RBM27: variants seen among roughly 807,000 people sequenced by gnomAD.
The protein encoded by RBM27 is RNA-binding protein 27.
A neutral mutation model predicts 135.3 loss-of-function variants in RBM27; 22 were observed. The observed-to-expected ratio is 0.16, with a 90% CI of 0.12 to 0.23. The LOEUF (loss-of-function observed/expected upper bound fraction) is 0.23, where lower values mean the gene tolerates loss of function less well. Ranked by LOEUF, RBM27 falls within the 10% of genes least tolerant of loss-of-function variation. RBM27 has a pLI of 1.00. For missense variants in RBM27, 1,009 were observed against 1,281.0 expected, an observed-to-expected ratio of 0.79 and a Z score of 3.24; for synonymous variants, 481 against 442.4, an observed-to-expected ratio of 1.09 and a Z score of -1.10.
intron 6 of RBM27, among the ~76,000 whole-genome samples, chr5:146,231,213 T>A (rs1756916263): frequency 6.6e-6 from 1 of 152,090 alleles, no homozygotes; most frequent in South Asian, 2.1e-4. Context: ...CACTGACTTC[T>A]ATGGCCTGTA....
intron 9 of RBM27, among the ~76,000 whole-genome samples, chr5:146,254,504 C>T (rs1393767697): frequency 6.7e-6 from 1 of 150,080 alleles, no homozygotes; most frequent in African/African-American, 2.5e-5. Context: ...CATCCCTTCA[C>T]CTCAGGTTCC....
intron 18 of RBM27, 44 bp downstream of exon 18, chr5:146,271,102 CAAA>C: frequency 6.7e-7 from 1 of 1,503,370 alleles, no homozygotes; most frequent in South Asian, 1.1e-5. Context: ...TTTAACGTCT[CAAA>C]AAAGTTTTCC....
chr5:146,217,188 A>G (rs1025478050), intron 1 of RBM27, among the ~76,000 whole-genome samples: 1 of 150,840 alleles, frequency 6.6e-6, no homozygotes, highest in Non-Finnish European at 1.5e-5. Context: ...GCTGGTCTTG[A>G]ACTCCTGACC....
Position 146,288,182 on chromosome 5 carries a change from A to T in RBM27, c.*2152A>T, listed in dbSNP as rs1320615674. The T allele has an allele frequency of 6.6e-6, 1 of 152,106 alleles. No individual in the cohort carries two copies. The allele number at this position is 152,106 out of a possible 1,614,324, so 9.4% of individuals were successfully genotyped here. ...GGAACTCTAAGAAAAATTTCAGTAG[A>T]CAGTTCAACAGAATGAGATTCCTTT... On this transcript the variant is annotated 3_prime_UTR_variant, in exon 21 of 21. Coordinates refer to ENST00000265271, the MANE Select transcript of RBM27 (RefSeq NM_018989.2).
At chr5:146,254,130 G>A (rs1758010159) in intron 9 of RBM27, among the ~76,000 whole-genome samples, 1 of 152,104 alleles carries the variant, frequency 6.6e-6, no homozygotes, top group Non-Finnish European at 1.5e-5. Context: ...CTTCACATAT[G>A]GTGTTTGTGT....
At chr5:146,273,607 A>G (rs1178000128) in intron 19 of RBM27, among the ~76,000 whole-genome samples, 1 of 152,232 alleles carries the variant, frequency 6.6e-6, no homozygotes, top group Non-Finnish European at 1.5e-5. Flanking sequence ...TTTCTTTGAA[A>G]GAAATACAGA....
intron 8 of RBM27, among the ~76,000 whole-genome samples, chr5:146,243,330 A>G (rs549638600): frequency 1.3e-5 from 2 of 152,362 alleles, no homozygotes; most frequent in South Asian, 2.1e-4. Flanking sequence ...TTTGAGACAG[A>G]TAATTGAATC....
rs2939523 is a variant in RBM27 at position 146,278,505 on chromosome 5, C to G, written c.2989-6117C>G. On this transcript the variant is annotated intron_variant, in intron 19 of 20. Coordinates refer to ENST00000265271, the MANE Select transcript of RBM27 (RefSeq NM_018989.2). ...ACATCTGCTTAAAGATATTCTCTCT[C>G]TATATATATTATTTGTTCTCTCTTT... Among the ~76,000 whole-genome samples, 483 of 151,594 alleles carry G rather than the reference C, an allele frequency of 3.2e-3. 4 individuals are homozygous for G. Among genetic ancestry groups the G allele is most frequent in the African/African-American group, 0.011 (460 of 41,290 alleles).
chr5:146,246,073 C>G (rs952569369), intron 8 of RBM27, among the ~76,000 whole-genome samples: 1 of 152,080 alleles, frequency 6.6e-6, no homozygotes, highest in Non-Finnish European at 1.5e-5. Flanking sequence ...CTTTAAGTGA[C>G]TGTTTGATTT....
intron 15 of RBM27, among the ~76,000 whole-genome samples, chr5:146,268,922 G>A (rs960879690): frequency 1.1e-4 from 17 of 152,188 alleles, no homozygotes; most frequent in African/African-American, 4.1e-4. Context: ...ACATTGGCAA[G>A]TGAAAACAAC....
At chr5:146,284,864 A>G in intron 20 of RBM27, 132 bp downstream of exon 20, 2 of 565,158 alleles carry the variant, frequency 3.5e-6, no homozygotes, top group Non-Finnish European at 3.1e-6. Context: ...ACCCGTTTAG[A>G]TGTTTATTAG....
At position 146,267,667 on chromosome 5, in the gene RBM27, C is replaced by T. The variant is rs774282080; in HGVS notation, c.2350C>T (p.His784Tyr). The T allele has an allele frequency of 2.5e-6, 4 of 1,577,322 alleles. No homozygotes were observed. The highest frequency in any genetic ancestry group is 3.5e-6 in the Non-Finnish European group (4 of 1,154,952). The change falls in exon 15 of 21, where the codon CAT becomes TAT. Residue 784 changes from histidine (H) to tyrosine (Y), a missense_variant. Coordinates refer to ENST00000265271, the MANE Select transcript of RBM27 (RefSeq NM_018989.2). ...TTTTTAGATATTTTCAACTCCAGGC[C>T]ATCCAAAAATGATTTACAGCTCCTC... is the stretch of plus-strand genomic sequence containing the variant. ...EDCQIFSTPG[H>Y]PKMIYSSSNL...
chr5:146,217,074 C>T (rs566759647), intron 1 of RBM27, among the ~76,000 whole-genome samples: 2 of 152,254 alleles, frequency 1.3e-5, no homozygotes, highest in Non-Finnish European at 2.9e-5. Flanking sequence ...TCAAGCGATT[C>T]TCCTGCCTCA....
intron 10 of RBM27, among the ~76,000 whole-genome samples, chr5:146,255,516 C>G (rs1176030646): frequency 6.6e-6 from 1 of 152,116 alleles, no homozygotes; most frequent in Non-Finnish European, 1.5e-5. Flanking sequence ...TAAAATGTTA[C>G]AATTATTTGA....
chr5:146,245,403 T>G (rs1013189612), intron 8 of RBM27: 3 of 152,170 alleles, frequency 2.0e-5, no homozygotes, highest in African/African-American at 7.2e-5. Context: ...AACTGCTAAG[T>G]TCGTTCGTTG....
chr5:146,262,983 G>T (rs1758462161), intron 13 of RBM27, among the ~76,000 whole-genome samples: 1 of 151,326 alleles, frequency 6.6e-6, no homozygotes, highest in Non-Finnish European at 1.5e-5. Flanking sequence ...CTGCCTCCTG[G>T]TTCAGGCTAC....
chr5:146,266,392 A>G (rs1051914058), intron 14 of RBM27, among the ~76,000 whole-genome samples: 1 of 152,232 alleles, frequency 6.6e-6, no homozygotes, highest in Non-Finnish European at 1.5e-5. Flanking sequence ...TTGCACTTAC[A>G]TGGACTTTAA....
chr5:146,264,543 G>A (rs1433759303), intron 14 of RBM27, among the ~76,000 whole-genome samples: 2 of 151,166 alleles, frequency 1.3e-5, no homozygotes, highest in African/African-American at 2.4e-5. Flanking sequence ...TTTAGTGAAG[G>A]GTATTCTGTC....
intron 1 of RBM27, among the ~76,000 whole-genome samples, chr5:146,205,367 A>G (rs542381944): frequency 1.3e-5 from 2 of 152,280 alleles, no homozygotes; most frequent in Admixed American, 1.3e-4. Context: ...GGGGTAGAAG[A>G]AGAGATGGGC....
Sources: gnomAD v4.1 joint callset for allele counts (sites outside exome capture counted in the v4.1 genomes callset) on GRCh38, gnomAD v4.1.1 for gene constraint, MANE v1.5 for transcripts, NCBI Gene and HGNC (gene_info 2026-07-23, HGNC 2026-07-21) for gene names.